RGS7: variants seen among roughly 807,000 people sequenced by gnomAD.
The protein encoded by RGS7 is regulator of G protein signaling 7.
Under a neutral mutation model 81.1 loss-of-function variants are expected in RGS7, and 27 were observed. That is an observed-to-expected ratio of 0.33 (90% confidence interval 0.25 to 0.46). The LOEUF (loss-of-function observed/expected upper bound fraction) is 0.46, where lower values mean the gene tolerates loss of function less well. Ranked by LOEUF, RGS7 falls within the 20% of genes least tolerant of loss-of-function variation. The pLI is 1.00. For synonymous variants in RGS7, 208 were observed against 207.7 expected, an observed-to-expected ratio of 1.00 and a Z score of -0.01; for missense variants, 396 against 607.4, an observed-to-expected ratio of 0.65 and a Z score of 3.66.
intron 2 of RGS7, among the ~76,000 whole-genome samples, chr1:241,193,114 A>G (rs2072807057): frequency 6.6e-6 from 1 of 152,216 alleles, no homozygotes; most frequent in South Asian, 2.1e-4. Context: ...AAATGTTTGT[A>G]TTGGGAACTC....
intron 6 of RGS7, among the ~76,000 whole-genome samples, chr1:240,885,214 C>T (rs1667149370): frequency 6.6e-6 from 1 of 152,068 alleles, no homozygotes; most frequent in Non-Finnish European, 1.5e-5. Context: ...CCATCTCACA[C>T]CATTCAGAAT....
At chr1:241,062,228 G>A (rs555663549) in intron 3 of RGS7, among the ~76,000 whole-genome samples, 21 of 152,176 alleles carry the variant, frequency 1.4e-4, no homozygotes, top group Non-Finnish European at 2.9e-4. Context: ...TTAAAAACAG[G>A]CATCTGTATG....
At chr1:240,799,291 G>C (rs1287974773) in intron 18 of RGS7, among the ~76,000 whole-genome samples, 3,826 of 145,496 alleles carry the variant, frequency 0.026, 59 homozygotes, top group East Asian at 0.099. Context: ...CTATGTTTGT[G>C]TGTGTGTGTG....
At chr1:241,298,143 C>T (rs57778155) in intron 2 of RGS7, among the ~76,000 whole-genome samples, 3,674 of 152,260 alleles carry the variant, frequency 0.024, 157 homozygotes, top group African/African-American at 0.084. Flanking sequence ...GAACCTTAAA[C>T]TGCTCCCCTC....
At chr1:240,944,300 A>G (rs868519688) in intron 4 of RGS7, among the ~76,000 whole-genome samples, 23,251 of 99,046 alleles carry the variant, frequency 0.23, 3,255 homozygotes, top group Non-Finnish European at 0.3. Context: ...ATATATATAT[A>G]TATATATATA....
At chr1:241,054,537 CT>C (rs1291386785) in intron 3 of RGS7, among the ~76,000 whole-genome samples, 2 of 152,154 alleles carry the variant, frequency 1.3e-5, no homozygotes, top group African/African-American at 4.8e-5. Context: ...ATTTGAGCAC[CT>C]GATATAAAGA....
intron 6 of RGS7, among the ~76,000 whole-genome samples, chr1:240,915,838 CATAAT>C (rs1003154253): frequency 2.8e-4 from 43 of 151,714 alleles, no homozygotes; most frequent in African/African-American, 1.0e-3. Context: ...AAATAAAAAA[CATAAT>C]AGAAATGAAG....
intron 2 of RGS7, among the ~76,000 whole-genome samples, chr1:241,233,205 T>A (rs2075761136): frequency 6.6e-6 from 1 of 152,214 alleles, no homozygotes; most frequent in Non-Finnish European, 1.5e-5. Context: ...TCCGTCACCT[T>A]AATTATTTAT....
intron 12 of RGS7, among the ~76,000 whole-genome samples, chr1:240,814,312 T>A (rs967749703): frequency 1.3e-5 from 2 of 152,238 alleles, no homozygotes; most frequent in African/African-American, 4.8e-5. Flanking sequence ...GTTTCATTCA[T>A]ATTCTGAAGT....
intron 2 of RGS7, among the ~76,000 whole-genome samples, chr1:241,145,948 A>G (rs1455484011): frequency 1.3e-5 from 2 of 152,140 alleles, no homozygotes; most frequent in Admixed American, 6.5e-5. Context: ...GATACTTCTC[A>G]CTGAAAGTTC....
intron 2 of RGS7, among the ~76,000 whole-genome samples, chr1:241,306,472 TCACA>T (rs543557256): frequency 8.6e-5 from 12 of 139,162 alleles, no homozygotes; most frequent in Admixed American, 1.4e-4. Context: ...ACACGTCCAC[TCACA>T]CACACACGCA....
intron 2 of RGS7, among the ~76,000 whole-genome samples, chr1:241,237,769 G>T (rs1192039985): frequency 1.3e-5 from 2 of 152,122 alleles, no homozygotes; most frequent in Non-Finnish European, 2.9e-5. Context: ...TCGAGGAAAG[G>T]TTAGGACAGG....
At chr1:240,994,223 C>G (rs1236075963) in intron 3 of RGS7, among the ~76,000 whole-genome samples, 1 of 152,106 alleles carries the variant, frequency 6.6e-6, no homozygotes, top group African/African-American at 2.4e-5. Flanking sequence ...AAAAATCTTG[C>G]TGGGGTTTTG....
At chr1:240,849,614 C>A (rs915023375) in intron 9 of RGS7, among the ~76,000 whole-genome samples, 1 of 152,118 alleles carries the variant, frequency 6.6e-6, no homozygotes, top group Non-Finnish European at 1.5e-5. Context: ...TGGCTTAGCA[C>A]CCTCCCCTTG....
At chr1:241,246,515 G>A (rs1221019660) in intron 2 of RGS7, among the ~76,000 whole-genome samples, 1 of 152,128 alleles carries the variant, frequency 6.6e-6, no homozygotes, top group Non-Finnish European at 1.5e-5. Context: ...CGAAGTTTAA[G>A]AAGGCATGTG....
intron 2 of RGS7, among the ~76,000 whole-genome samples, chr1:241,216,143 G>A (rs1317999623): frequency 1.3e-5 from 2 of 151,948 alleles, no homozygotes; most frequent in African/African-American, 2.4e-5. Flanking sequence ...GTGGTGGCAT[G>A]TGCCTGTCAT....
chr1:241,277,534 G>T (rs1322436990), intron 2 of RGS7, among the ~76,000 whole-genome samples: 3 of 151,762 alleles, frequency 2.0e-5, no homozygotes, highest in African/African-American at 7.3e-5. Context: ...CAGGAGAATG[G>T]TGTGAACCCA....
chr1:241,295,166 C>G (rs561182330), intron 2 of RGS7, among the ~76,000 whole-genome samples: 1 of 151,972 alleles, frequency 6.6e-6, no homozygotes, highest in African/African-American at 2.4e-5. Flanking sequence ...GATATGTTTG[C>G]GGCCGGGTGC....
At chr1:241,352,118 C>T (rs908232958) in intron 2 of RGS7, among the ~76,000 whole-genome samples, 1 of 152,150 alleles carries the variant, frequency 6.6e-6, no homozygotes, top group Non-Finnish European at 1.5e-5. Flanking sequence ...GTGCTGCCCC[C>T]ACAAAGGAGA....
Sources: gnomAD v4.1 joint callset for allele counts (sites outside exome capture counted in the v4.1 genomes callset) on GRCh38, gnomAD v4.1.1 for gene constraint, MANE v1.5 for transcripts, NCBI Gene and HGNC (gene_info 2026-07-23, HGNC 2026-07-21) for gene names.